DYNC2I1: variants seen among roughly 807,000 people sequenced by gnomAD.
DYNC2I1 encodes the protein dynein 2 intermediate chain 1, also known as cytoplasmic dynein 2 intermediate chain 1.
A neutral mutation model predicts 133.4 loss-of-function variants in DYNC2I1; 89 were observed. That is an observed-to-expected ratio of 0.67 (90% CI 0.56 to 0.80). DYNC2I1 has a LOEUF of 0.80. Ranked by LOEUF, DYNC2I1 falls within the 30% of genes least tolerant of loss-of-function variation. The pLI is 0.00. For synonymous variants in DYNC2I1, 504 were observed against 484.3 expected (o/e 1.04, Z -0.54); for missense variants, 1,291 against 1,314.5 (o/e 0.98, Z 0.28).
chr7:158,887,834 A>G (rs957915795), intron 7 of DYNC2I1, among the ~76,000 whole-genome samples: 3 of 152,088 alleles, frequency 2.0e-5, no homozygotes, highest in Admixed American at 2.0e-4. Flanking sequence ...ACCTTGTGAC[A>G]TGTATTTATG....
intron 23 of DYNC2I1, among the ~76,000 whole-genome samples, chr7:158,937,622 G>GAAAAAAAAAGAAAAAAAAAAAAAAAAAA (rs1850892034): frequency 9.1e-6 from 1 of 109,466 alleles, no homozygotes; most frequent in Non-Finnish European, 1.8e-5. Context: ...ACTGTCTCAA[G>GAAAAAAAAAGAAAAAAAAAAAAAAAAAA]AAAAAAAAAA....
intron 1 of DYNC2I1, among the ~76,000 whole-genome samples, chr7:158,866,683 G>A (rs773669579): frequency 3.3e-5 from 5 of 151,912 alleles, no homozygotes; most frequent in African/African-American, 1.2e-4. Flanking sequence ...TTGGGAGTTC[G>A]AGACCAGCCT....
At chr7:158,863,195 C>G (rs1842026605) in intron 1 of DYNC2I1, among the ~76,000 whole-genome samples, 1 of 152,040 alleles carries the variant, frequency 6.6e-6, no homozygotes, top group African/African-American at 2.4e-5. Flanking sequence ...AAACCTTTAG[C>G]TAGACACAGA....
rs1842864812 is a variant in DYNC2I1, at chr7:158,871,431, A to G, written c.359A>G (p.Asp120Gly). ...GAAAAGTCTCACAGCAGAGGAAAGG[A>G]CAGGGAAAAAGAAAAAGACAGAAGG... ...EAEKSHSRGKDREKEKDRRAR... is the reference protein window; with the variant it reads ...EAEKSHSRGKGREKEKDRRAR... The change falls in exon 3 of 25, where the codon GAC (aspartate) becomes GGC (glycine). Residue 120 changes from aspartate to glycine, a missense_variant. Coordinates refer to ENST00000407559, the MANE Select transcript of DYNC2I1 (RefSeq NM_018051.5). 6.4e-7 allele frequency: 1 copy of G among 1,551,334 alleles called. No homozygotes were observed. The highest frequency in any genetic ancestry group is 1.4e-5 in the African/African-American group (1 of 73,038).
At chr7:158,920,457 A>C (rs977872465) in intron 15 of DYNC2I1, among the ~76,000 whole-genome samples, 8 of 144,272 alleles carry the variant, frequency 5.5e-5, no homozygotes, top group Non-Finnish European at 1.1e-4. Flanking sequence ...GTATGTGTGC[A>C]TACTGCAGCG....
At chr7:158,871,094 G>A in intron 2 of DYNC2I1, 48 bp from the exon 3 acceptor site, 6 of 1,558,064 alleles carry the variant, frequency 3.9e-6, no homozygotes, top group Non-Finnish European at 5.2e-6. Flanking sequence ...AAGTCTAATG[G>A]AAATCTGCCT....
chr7:158,923,853 C>G lies in DYNC2I1; in HGVS notation c.2257+120C>G, dbSNP rs961035825. The G allele has an allele frequency of 1.2e-5, 16 of 1,301,792 alleles. 1 individual carries two copies. The African/African-American group carries it at 2.1e-4, about 17-fold the overall frequency. The allele number at this position is 1,301,792 out of a possible 1,614,324, so 80.6% of individuals were successfully genotyped here. ...CATTATCCCAGAGGACGGGGTCTGA[C>G]CCATGGGCAAAAGAGGCATTTGATA... is the stretch of plus-strand genomic sequence containing the variant. On this transcript the variant is annotated intron_variant, in intron 17 of 24. Coordinates refer to ENST00000407559, the MANE Select transcript of DYNC2I1 (RefSeq NM_018051.5).
chr7:158,903,065 G>A (rs1366892416), intron 10 of DYNC2I1: 1 of 158,092 alleles, frequency 6.3e-6, no homozygotes, highest in African/African-American at 2.4e-5. Context: ...TTTCCACAGA[G>A]GAATCATCAT....
intron 4 of DYNC2I1, among the ~76,000 whole-genome samples, chr7:158,952,082 G>T: frequency 6.6e-6 from 1 of 152,216 alleles, no homozygotes; most frequent in East Asian, 1.9e-4. Flanking sequence ...TGGCAAGGTC[G>T]CGGTGGAAAT....
chr7:158,871,596 C>A, intron 3 of DYNC2I1, 34 bp downstream of exon 3: 3 of 1,492,624 alleles, frequency 2.0e-6, no homozygotes, highest in South Asian at 1.3e-5. Flanking sequence ...TGGTTCCACC[C>A]GAGGTGCCGC....
chr7:158,854,413 AC>A (rs1841119502), upstream of DYNC2I1, among the ~76,000 whole-genome samples: 1 of 148,834 alleles, frequency 6.7e-6, no homozygotes, highest in South Asian at 2.2e-4. Flanking sequence ...AGAAAACCAA[AC>A]ACCGCATGTT....
the DYNC2I1 span, among the ~76,000 whole-genome samples, chr7:158,844,444 C>T: frequency 5.6e-4 from 85 of 150,492 alleles, no homozygotes; most frequent in African/African-American, 2.0e-3. Flanking sequence ...GGGGAGAGCG[C>T]GTGGGAATTG....
At chr7:158,917,978 C>T (rs1362000527) in intron 14 of DYNC2I1, among the ~76,000 whole-genome samples, 1 of 151,986 alleles carries the variant, frequency 6.6e-6, no homozygotes, top group Non-Finnish European at 1.5e-5. Flanking sequence ...TTCCTCACTC[C>T]CATACGGTTG....
intron 4 of DYNC2I1, among the ~76,000 whole-genome samples, chr7:158,878,392 G>A (rs539433730): frequency 5.9e-5 from 8 of 134,744 alleles, no homozygotes; most frequent in South Asian, 2.5e-4. Context: ...TGTGAATGCC[G>A]GGTGCCATGT....
At chr7:158,889,332 G>A (rs1030876299) in intron 7 of DYNC2I1, among the ~76,000 whole-genome samples, 2 of 151,462 alleles carry the variant, frequency 1.3e-5, no homozygotes, top group African/African-American at 4.9e-5. Flanking sequence ...CACCTGTCTC[G>A]GCTTCCCAAA....
chr7:158,853,542 G>A (rs1204868853), upstream of DYNC2I1, among the ~76,000 whole-genome samples: 1 of 152,088 alleles, frequency 6.6e-6, no homozygotes, highest in East Asian at 1.9e-4. Flanking sequence ...ACTTGTAACC[G>A]CCCAACAGGT....
At chr7:158,871,710 C>T (rs1842902748) in intron 3 of DYNC2I1, 148 bp downstream of exon 3, 2 of 997,408 alleles carry the variant, frequency 2.0e-6, no homozygotes, top group South Asian at 1.7e-5. Flanking sequence ...CTTGCTCTGC[C>T]CCCAGGCTAG....
chr7:158,910,857 G>A lies in DYNC2I1; in HGVS notation c.1461-693G>A, dbSNP rs377650413. The stretch of plus-strand genomic sequence containing the variant: ...GATTGGCTGTGTCAGGCCTGTGGGC[G>A]GAGGGCGATTGGCTGTGTCAGGCCT... On this transcript the variant is annotated intron_variant, in intron 11 of 24. Transcript: ENST00000407559. 9.3e-5 allele frequency among the ~76,000 whole-genome samples: 14 copies of A among 150,488 alleles called. No individual in the cohort carries two copies. The East Asian group carries it at 2.4e-3, about 26-fold the overall frequency.
intron 10 of DYNC2I1, chr7:158,903,979 A>G (rs1288630106): frequency 6.6e-6 from 1 of 152,192 alleles, no homozygotes; most frequent in Non-Finnish European, 1.5e-5. Flanking sequence ...ATTCACTGTC[A>G]TACACATTGC....
Sources: gnomAD v4.1 joint callset for allele counts (sites outside exome capture counted in the v4.1 genomes callset) on GRCh38, gnomAD v4.1.1 for gene constraint, MANE v1.5 for transcripts, NCBI Gene and HGNC (gene_info 2026-07-23, HGNC 2026-07-21) for gene names.